The following MEIS1 variants were observed in gnomAD, a reference collection of about 807,000 sequenced individuals.
MEIS1 encodes the protein Meis homeobox 1, also known as homeobox protein Meis1.
A neutral mutation model predicts 50.8 loss-of-function variants in MEIS1; 5 were observed. The ratio of observed to expected loss-of-function variants is 0.10; its 90% CI spans 0.05 to 0.21. The LOEUF (loss-of-function observed/expected upper bound fraction) is 0.21. MEIS1 is among the 10% of genes least tolerant of loss of function. The pLI is 1.00. For missense variants in MEIS1, 318 were observed against 517.3 expected (o/e 0.61, Z 3.74); for synonymous variants, 176 against 179.3 (o/e 0.98, Z 0.15).
At chr2:66,506,300 C>T (rs1673683004) in intron 7 of MEIS1, among the ~76,000 whole-genome samples, 1 of 152,100 alleles carries the variant, frequency 6.6e-6, no homozygotes, top group African/African-American at 2.4e-5. Flanking sequence ...GAGGAGATGG[C>T]CATTGAGCTG....
In MEIS1 at chr2:66,443,016, G is replaced by A; in HGVS notation, c.598G>A (p.Asp200Asn). 6.3e-7 allele frequency: 1 copy of A among 1,598,448 alleles called. No homozygotes were observed. Among genetic ancestry groups the A allele is most frequent in the Non-Finnish European group, 8.5e-7 (1 of 1,174,610 alleles). Residue 200 changes from aspartate to asparagine, a missense_variant, in exon 6 of 13, where the codon GAT (aspartate) becomes AAT (asparagine). Transcript: ENST00000272369. ...REGGSKSDSE[D>N]ITRSANLTDQ... is the part of the protein sequence containing the mutation. ...AGGAGGATCAAAATCAGACAGTGAA[G>A]ATATAACAAGATCAGCAAATCTAAC...
intron 6 of MEIS1, among the ~76,000 whole-genome samples, chr2:66,453,411 A>C (rs1002567894): frequency 6.6e-6 from 1 of 152,038 alleles, no homozygotes; most frequent in African/African-American, 2.4e-5. Context: ...TCTGGAATTC[A>C]CAGTTGCTTT....
At chr2:66,486,702 T>G (rs1415467958) in intron 7 of MEIS1, among the ~76,000 whole-genome samples, 2 of 152,256 alleles carry the variant, frequency 1.3e-5, no homozygotes, top group Non-Finnish European at 1.5e-5. Flanking sequence ...TATGGCCATA[T>G]TCACGATATT....
chr2:66,494,309 G>A (rs893137500), intron 7 of MEIS1, among the ~76,000 whole-genome samples: 2 of 152,104 alleles, frequency 1.3e-5, no homozygotes, highest in East Asian at 1.9e-4. Context: ...TGTCTATTCC[G>A]CATATATGGA....
intron 7 of MEIS1, among the ~76,000 whole-genome samples, chr2:66,493,290 A>G (rs998115405): frequency 1.3e-5 from 2 of 152,196 alleles, no homozygotes; most frequent in Admixed American, 1.3e-4. Context: ...GTACTCTTCC[A>G]GTAATATAGT....
intron 9 of MEIS1, among the ~76,000 whole-genome samples, chr2:66,548,616 C>T (rs1298399038): frequency 1.3e-5 from 2 of 152,012 alleles, no homozygotes; most frequent in Non-Finnish European, 2.9e-5. Context: ...GATTATGTAC[C>T]AAGTACCAGC....
chr2:66,509,101 C>G, intron 7 of MEIS1: 1 of 469,480 alleles, frequency 2.1e-6, no homozygotes. Context: ...TATCAAATTG[C>G]GGAGTGAATG....
At chr2:66,441,776 A>C (rs149907528) in intron 5 of MEIS1, 196 of 330,496 alleles carry the variant, frequency 5.9e-4, no homozygotes, top group Middle Eastern at 4.9e-3. Context: ...GTTGTTTCAC[A>C]AGTTCATACC....
At chr2:66,528,924 T>C (rs922212750) in intron 8 of MEIS1, among the ~76,000 whole-genome samples, 29 of 152,136 alleles carry the variant, frequency 1.9e-4, no homozygotes, top group African/African-American at 7.0e-4. Context: ...TCCCCATGCA[T>C]GCCATGCTGC....
At chr2:66,504,512 A>G (rs1165836408) in intron 7 of MEIS1, among the ~76,000 whole-genome samples, 2 of 152,114 alleles carry the variant, frequency 1.3e-5, no homozygotes, top group Non-Finnish European at 2.9e-5. Context: ...CTGGGATTAT[A>G]GTTAATAGCC....
intron 8 of MEIS1, 102 bp from the exon 9 acceptor site, chr2:66,547,841 A>G: frequency 1.8e-6 from 2 of 1,086,210 alleles, no homozygotes; most frequent in Non-Finnish European, 2.8e-6. Context: ...GACACACCTC[A>G]GCATTTTTAC....
chr2:66,445,824 TC>T (rs1437735317), intron 6 of MEIS1, among the ~76,000 whole-genome samples: 1 of 152,170 alleles, frequency 6.6e-6, no homozygotes, highest in African/African-American at 2.4e-5. Context: ...CTTTCCTTTT[TC>T]TTTCTTCTCT....
At chr2:66,512,372 G>T in intron 8 of MEIS1, 78 bp downstream of exon 8, 2 of 1,456,716 alleles carry the variant, frequency 1.4e-6, no homozygotes, top group Middle Eastern at 1.8e-4. Flanking sequence ...TGAGAAAAAA[G>T]TGATCCCTCT....
rs70943701 is a variant in MEIS1, at chr2:66,495,080, C to CTTTTT, written c.743-17045_743-17041dup. 4.8e-4 allele frequency among the ~76,000 whole-genome samples: 44 copies of CTTTTT among 91,490 alleles called. 19 individuals carry two copies. Among genetic ancestry groups the CTTTTT allele is most frequent in the Non-Finnish European group, 4.9e-4 (24 of 48,550 alleles). The allele number at this position is 91,490 out of a possible 152,430, so 60.0% of individuals were successfully genotyped here. On this transcript the variant is annotated intron_variant, in intron 7 of 12. Transcript: ENST00000272369. ...GAATGCCCACTTTCCCTCTTCTGAC[C>CTTTTT]TTTTTTTTTTTTTTTTTTTTTTTTT... is the stretch of plus-strand genomic sequence containing the variant.
intron 8 of MEIS1, among the ~76,000 whole-genome samples, chr2:66,516,857 C>A (rs1466546516): frequency 6.6e-6 from 1 of 152,116 alleles, no homozygotes; most frequent in Non-Finnish European, 1.5e-5. Flanking sequence ...CTGTTGGAGT[C>A]ATCTTAGTGT....
intron 9 of MEIS1, among the ~76,000 whole-genome samples, chr2:66,555,124 A>G (rs1439412742): frequency 6.6e-6 from 1 of 152,220 alleles, no homozygotes; most frequent in East Asian, 1.9e-4. Context: ...TTAATAATCT[A>G]TAAGTAATGG....
intron 7 of MEIS1, among the ~76,000 whole-genome samples, chr2:66,498,919 G>A (rs183017560): frequency 5.4e-4 from 82 of 152,284 alleles, no homozygotes; most frequent in African/African-American, 1.4e-3. Flanking sequence ...CAGCTGTTTC[G>A]TATGCACATG....
chr2:66,466,695 G>A (rs969957932), intron 7 of MEIS1, among the ~76,000 whole-genome samples: 4 of 152,140 alleles, frequency 2.6e-5, no homozygotes, highest in African/African-American at 4.8e-5. Context: ...CACAGTTTGA[G>A]TCCATTTTAG....
chr2:66,458,508 T>C (rs60421578), intron 6 of MEIS1, among the ~76,000 whole-genome samples: 1,977 of 152,330 alleles, frequency 0.013, 55 homozygotes, highest in African/African-American at 0.045. Flanking sequence ...GGTCAACTTA[T>C]GTTGTTACAT....
Sources: allele counts gnomAD v4.1 joint callset (sites outside exome capture counted in the v4.1 genomes callset), GRCh38; gene constraint gnomAD v4.1.1; transcripts MANE v1.5; gene names NCBI Gene and HGNC (gene_info 2026-07-23, HGNC 2026-07-21).